SAMMSON: variants seen among roughly 807,000 people sequenced by gnomAD.
SAMMSON encodes survival associated mitochondrial melanoma specific oncogenic non-coding RNA, also known as long intergenic non-protein coding RNA 1212.
At chr3:70,150,192 G>C (rs1305267215) in intron 4 of SAMMSON, among the ~76,000 whole-genome samples, 1 of 152,008 alleles carries the variant, frequency 6.6e-6, no homozygotes, top group Non-Finnish European at 1.5e-5. Flanking sequence ...ACTTGAATGT[G>C]ACATGTTTCC....
chr3:70,284,765 G>C (rs751844500), intron 6 of SAMMSON, among the ~76,000 whole-genome samples: 19 of 152,112 alleles, frequency 1.2e-4, no homozygotes, highest in Non-Finnish European at 2.5e-4. Context: ...GGTAGGAGGA[G>C]ACAGAGGATC....
intron 4 of SAMMSON, among the ~76,000 whole-genome samples, chr3:70,182,695 A>T (rs573740875): frequency 2.6e-5 from 4 of 152,342 alleles, no homozygotes; most frequent in African/African-American, 9.6e-5. Flanking sequence ...ACATAAATCT[A>T]ACAGTTCCAA....
intron 7 of SAMMSON, among the ~76,000 whole-genome samples, chr3:70,293,154 G>A (rs1702255563): frequency 6.6e-6 from 1 of 150,788 alleles, no homozygotes; most frequent in Non-Finnish European, 1.5e-5. Context: ...ATTTCTGGAA[G>A]TATTCAGCTC....
At chr3:70,059,521 C>G (rs1228297764) in intron 3 of SAMMSON, among the ~76,000 whole-genome samples, 1 of 152,044 alleles carries the variant, frequency 6.6e-6, no homozygotes, top group Non-Finnish European at 1.5e-5. Flanking sequence ...AGTTCAAACA[C>G]CTGAAAGTCA....
At chr3:70,210,053 A>G (rs531557124) in intron 4 of SAMMSON, among the ~76,000 whole-genome samples, 2 of 152,256 alleles carry the variant, frequency 1.3e-5, no homozygotes, top group African/African-American at 4.8e-5. Flanking sequence ...GTCAGGCTGC[A>G]TGTAATTTAA....
intron 4 of SAMMSON, among the ~76,000 whole-genome samples, chr3:70,158,969 T>A (rs1198774028): frequency 6.6e-6 from 1 of 152,078 alleles, no homozygotes; most frequent in Non-Finnish European, 1.5e-5. Flanking sequence ...AAACCTTTTG[T>A]GACTTACTCA....
intron 7 of SAMMSON, chr3:70,312,502 G>A (rs1386033135): frequency 6.6e-6 from 1 of 152,192 alleles, no homozygotes; most frequent in Non-Finnish European, 1.5e-5. Context: ...TGACTTTCAT[G>A]GCTTGCTCGC....
At chr3:70,185,168 T>G (rs1701082961) in intron 4 of SAMMSON, among the ~76,000 whole-genome samples, 1 of 152,140 alleles carries the variant, frequency 6.6e-6, no homozygotes, top group African/African-American at 2.4e-5. Flanking sequence ...TCTCTGAAGT[T>G]TTAAGCATCA....
intron 4 of SAMMSON, among the ~76,000 whole-genome samples, chr3:70,079,420 G>A (rs1451055833): frequency 4.6e-5 from 7 of 152,240 alleles, no homozygotes; most frequent in African/African-American, 1.2e-4. Context: ...AGTATGGATG[G>A]ACCCTGACTT....
At chr3:70,172,800 A>T (rs1559527913) in intron 4 of SAMMSON, 1 of 151,976 alleles carries the variant, frequency 6.6e-6, no homozygotes. Flanking sequence ...AACAGGGCAC[A>T]CTTCCTATGC....
chr3:70,236,576 A>G (rs551039586), intron 4 of SAMMSON, among the ~76,000 whole-genome samples: 1 of 152,270 alleles, frequency 6.6e-6, no homozygotes, highest in Admixed American at 6.5e-5. Context: ...TGGGGCCTGT[A>G]AATTGACCCT....
intron 4 of SAMMSON, among the ~76,000 whole-genome samples, chr3:70,231,473 A>G (rs1017739458): frequency 6.6e-6 from 1 of 152,212 alleles, no homozygotes; most frequent in Non-Finnish European, 1.5e-5. Flanking sequence ...TCTAAATTGC[A>G]TCACACGTGC....
At chr3:70,017,989 T>C (rs60251138) in intron 3 of SAMMSON, among the ~76,000 whole-genome samples, 59,047 of 151,980 alleles carry the variant, frequency 0.39, 11,923 homozygotes, top group East Asian at 0.62. Context: ...GGTTTGCCAG[T>C]ATTTTATTGA....
intron 2 of SAMMSON, among the ~76,000 whole-genome samples, chr3:70,397,598 C>T (rs988082425): frequency 1.1e-4 from 16 of 151,984 alleles, no homozygotes; most frequent in African/African-American, 2.9e-4. Context: ...TGTGTGATTT[C>T]GGATTAACAA....
At chr3:70,012,688 T>C (rs2066962966) in intron 2 of SAMMSON, 1 of 152,192 alleles carries the variant, frequency 6.6e-6, no homozygotes, top group African/African-American at 2.4e-5. Flanking sequence ...TGCCCCTTTT[T>C]ATTCTACTAC....
At chr3:70,238,862 G>T (rs181471403) in intron 4 of SAMMSON, among the ~76,000 whole-genome samples, 275 of 152,144 alleles carry the variant, frequency 1.8e-3, no homozygotes, top group Non-Finnish European at 3.5e-3. Flanking sequence ...TGCATAGGAG[G>T]TTTAATTAAT....
intron 2 of SAMMSON, among the ~76,000 whole-genome samples, chr3:70,403,526 G>C (rs1159575184): frequency 6.6e-6 from 1 of 152,130 alleles, no homozygotes; most frequent in African/African-American, 2.4e-5. Flanking sequence ...ACTATGACTC[G>C]CAGTCTCAAT....
chr3:70,277,711 C>T (rs1702040978), intron 6 of SAMMSON, among the ~76,000 whole-genome samples: 1 of 152,074 alleles, frequency 6.6e-6, no homozygotes, highest in Non-Finnish European at 1.5e-5. Flanking sequence ...ATGATGCCAC[C>T]TCAGTCTAAG....
intron 4 of SAMMSON, among the ~76,000 whole-genome samples, chr3:70,161,054 A>C (rs2106693050): frequency 6.6e-6 from 1 of 152,038 alleles, no homozygotes; most frequent in South Asian, 2.1e-4. Flanking sequence ...CTCAGTTCTA[A>C]GCTTTGGCTT....
Sources: allele counts gnomAD v4.1 joint callset (sites outside exome capture counted in the v4.1 genomes callset), GRCh38; gene constraint gnomAD v4.1.1; transcripts MANE v1.5; gene names NCBI Gene and HGNC (gene_info 2026-07-23, HGNC 2026-07-21).